The following KCNH1 variants were observed in gnomAD, a reference collection of about 807,000 sequenced individuals.
The protein encoded by KCNH1 is voltage-gated delayed rectifier potassium channel KCNH1.
Under a neutral mutation model 69.2 loss-of-function variants are expected in KCNH1, and 27 were observed. The observed-to-expected ratio is 0.39, with a 90% CI of 0.29 to 0.54. The LOEUF (loss-of-function observed/expected upper bound fraction) is 0.54, where lower values mean the gene tolerates loss of function less well. Ranked by LOEUF, KCNH1 falls within the 20% of genes least tolerant of loss-of-function variation. The pLI, the probability that KCNH1 is intolerant of heterozygous loss-of-function variation, is 0.68. For missense variants in KCNH1, 798 were observed against 1,261.6 expected, an observed-to-expected ratio of 0.63 and a Z score of 5.57; for synonymous variants, 456 against 487.7, an observed-to-expected ratio of 0.93 and a Z score of 0.86.
chr1:211,087,198 TG>T (rs934889046), intron 4 of KCNH1, among the ~76,000 whole-genome samples: 1 of 152,220 alleles, frequency 6.6e-6, no homozygotes, highest in African/African-American at 2.4e-5. Context: ...TCTACATCTC[TG>T]GCTCTTAGAA....
chr1:210,889,774 G>A (rs1314548739), intron 7 of KCNH1, among the ~76,000 whole-genome samples: 1 of 152,124 alleles, frequency 6.6e-6, no homozygotes, highest in African/African-American at 2.4e-5. Flanking sequence ...GCCAAATCAT[G>A]AGTGAACTCC....
intron 5 of KCNH1, among the ~76,000 whole-genome samples, chr1:211,039,160 C>T (rs1457868798): frequency 1.3e-5 from 2 of 152,218 alleles, no homozygotes; most frequent in Admixed American, 1.3e-4. Context: ...AAGGGGCCAA[C>T]ATACACCTCA....
chr1:210,682,631 G>T lies in KCNH1; in HGVS notation c.*650C>A, dbSNP rs1407897784. The stretch of plus-strand genomic sequence containing the variant: ...TTACCCTTGCCTCACCTCCTTTGGG[G>T]AAGGAGACCTGAGGATTCCCAGCTT... On this transcript the variant is annotated 3_prime_UTR_variant, in exon 11 of 11. Coordinates refer to ENST00000271751, the MANE Select transcript of KCNH1 (RefSeq NM_172362.3). 2 of 152,562 alleles carry T rather than the reference G, an allele frequency of 1.3e-5. No homozygotes were observed. Among genetic ancestry groups the T allele is most frequent in the Admixed American group, 1.3e-4 (2 of 15,294 alleles). The allele number at this position is 152,562 out of a possible 1,614,324, so 9.5% of individuals were successfully genotyped here.
intron 7 of KCNH1, among the ~76,000 whole-genome samples, chr1:210,891,565 A>G (rs1432524159): frequency 6.6e-6 from 1 of 152,120 alleles, no homozygotes; most frequent in African/African-American, 2.4e-5. Context: ...TCAGGAAACA[A>G]CAGATGCTGA....
intron 10 of KCNH1, among the ~76,000 whole-genome samples, chr1:210,772,082 G>C (rs1009761362): frequency 6.6e-6 from 1 of 152,240 alleles, no homozygotes; most frequent in African/African-American, 2.4e-5. Context: ...AGGAAACTGT[G>C]ATCAGGAAGA....
rs778511045 is a variant in KCNH1, at chr1:211,133,801, G to T, written c.79+66C>A. 603 of 1,437,918 alleles carry T rather than the reference G, an allele frequency of 4.2e-4. 1 individual carries two copies. Among genetic ancestry groups the T allele is most frequent in the Non-Finnish European group, 5.6e-4 (572 of 1,028,116 alleles). The allele number at this position is 1,437,918 out of a possible 1,614,324, so 89.1% of individuals were successfully genotyped here. Reference sequence around the variant, plus strand: ...GCTGCATCTGCTGGCTCCGAGCGGCGAGAGGTTCTGCAATAAAGGCACGGA... The same window carrying T: ...GCTGCATCTGCTGGCTCCGAGCGGCTAGAGGTTCTGCAATAAAGGCACGGA... On this transcript the variant is annotated intron_variant, in intron 1 of 10. Transcript: ENST00000271751. The surrounding 1 kb of genome is among the most constrained non-coding windows in gnomAD (Gnocchi z 5.4).
chr1:210,900,865 A>G (rs1321931324), intron 7 of KCNH1, among the ~76,000 whole-genome samples: 1 of 152,132 alleles, frequency 6.6e-6, no homozygotes, highest in Non-Finnish European at 1.5e-5. Context: ...TAGCCAGACA[A>G]AAAGAAGCCC....
intron 7 of KCNH1, among the ~76,000 whole-genome samples, chr1:210,839,809 T>A (rs1230263922): frequency 6.6e-6 from 1 of 152,176 alleles, no homozygotes; most frequent in East Asian, 1.9e-4. Flanking sequence ...GATAGACTTT[T>A]AAAGAAAAAA....
chr1:211,118,675 C>A (rs1256256297), intron 1 of KCNH1, among the ~76,000 whole-genome samples: 1 of 152,220 alleles, frequency 6.6e-6, no homozygotes, highest in Non-Finnish European at 1.5e-5. Flanking sequence ...ACTGATGAGG[C>A]ATGAGCCAAA....
At chr1:211,041,609 A>G (rs1689996597) in intron 5 of KCNH1, among the ~76,000 whole-genome samples, 1 of 152,166 alleles carries the variant, frequency 6.6e-6, no homozygotes, top group African/African-American at 2.4e-5. Flanking sequence ...CACTTCCCTG[A>G]TCAAAACCTT....
chr1:210,835,433 C>A (rs1403517517), intron 7 of KCNH1, among the ~76,000 whole-genome samples: 2 of 152,172 alleles, frequency 1.3e-5, no homozygotes, highest in African/African-American at 4.8e-5. Flanking sequence ...TAACACTTAT[C>A]GTTTCAAGAA....
At chr1:211,101,147 C>T (rs1691249860) in intron 3 of KCNH1, among the ~76,000 whole-genome samples, 1 of 152,172 alleles carries the variant, frequency 6.6e-6, no homozygotes, top group Admixed American at 6.5e-5. Context: ...TGTGGTGTCA[C>T]CATCAAAGCC....
Position 211,133,758 on chromosome 1 carries a change from G to A in KCNH1, c.79+109C>T. ...TGGGTGCCCGCGCCGCGGCTCCTTAGCAGAGCTCGCGGGTTCTGCTGCATC... is the reference window on the plus strand; with the variant it reads ...TGGGTGCCCGCGCCGCGGCTCCTTAACAGAGCTCGCGGGTTCTGCTGCATC... On this transcript the variant is annotated intron_variant, in intron 1 of 10. Transcript: ENST00000271751. The surrounding 1 kb of genome is among the most constrained non-coding windows in gnomAD (Gnocchi z 5.4). 1 of 1,028,572 alleles carries A rather than the reference G, an allele frequency of 9.7e-7. No individual in the cohort carries two copies. 63.7% of individuals were successfully genotyped at this position (1,028,572 alleles called of 1,614,324 possible).
intron 7 of KCNH1, chr1:210,861,446 G>A: frequency 1.3e-6 from 1 of 776,400 alleles, no homozygotes; most frequent in Non-Finnish European, 2.4e-6. Context: ...AACACTGCCA[G>A]AGCTTCCATA....
chr1:211,045,300 A>G (rs1690078619), intron 5 of KCNH1, among the ~76,000 whole-genome samples: 1 of 151,864 alleles, frequency 6.6e-6, no homozygotes, highest in Non-Finnish European at 1.5e-5. Context: ...ATAAAATACT[A>G]CAAATTGGGT....
chr1:210,804,470 T>C (rs777451899), intron 7 of KCNH1, among the ~76,000 whole-genome samples: 7 of 152,188 alleles, frequency 4.6e-5, no homozygotes, highest in Non-Finnish European at 8.8e-5. Flanking sequence ...AGGCAGTGGG[T>C]TGCGGGGGCG....
chr1:210,704,192 A>G (rs1169016563), intron 10 of KCNH1, among the ~76,000 whole-genome samples: 1 of 152,104 alleles, frequency 6.6e-6, no homozygotes, highest in East Asian at 1.9e-4. Flanking sequence ...CCCTACTGTG[A>G]AGTCTGAAGG....
chr1:210,960,198 C>T (rs930807121), intron 6 of KCNH1, among the ~76,000 whole-genome samples: 2 of 152,138 alleles, frequency 1.3e-5, no homozygotes, highest in Non-Finnish European at 2.9e-5. Flanking sequence ...AGAACATCAC[C>T]AATTTTAATT....
chr1:211,000,994 C>T (rs1402482498), intron 6 of KCNH1, among the ~76,000 whole-genome samples: 5 of 151,950 alleles, frequency 3.3e-5, no homozygotes, highest in Non-Finnish European at 7.4e-5. Context: ...CTTCCTTATA[C>T]CTTATATGAA....
Sources: allele counts gnomAD v4.1 joint callset (sites outside exome capture counted in the v4.1 genomes callset), GRCh38; gene constraint gnomAD v4.1.1; non-coding constraint Gnocchi (gnomAD v3.1); transcripts MANE v1.5; gene names NCBI Gene and HGNC (gene_info 2026-07-23, HGNC 2026-07-21).